Variants in PELI1 observed in about 807,000 individuals in gnomAD.
PELI1 encodes the protein pellino E3 ubiquitin protein ligase 1.
A neutral mutation model predicts 41.3 loss-of-function variants in PELI1; 15 were observed. That is an observed-to-expected ratio of 0.36 (90% confidence interval 0.24 to 0.56). PELI1 has a LOEUF of 0.56. Among genes scored for constraint, PELI1 ranks in the 20% least tolerant of loss-of-function variants. The pLI is 0.82. For missense variants in PELI1, 403 were observed against 525.5 expected, an observed-to-expected ratio of 0.77 and a Z score of 2.28; for synonymous variants, 178 against 180.1, an observed-to-expected ratio of 0.99 and a Z score of 0.09.
intron 1 of PELI1, among the ~76,000 whole-genome samples, chr2:64,136,160 G>C (rs1459466111): frequency 6.6e-6 from 1 of 151,294 alleles, no homozygotes; most frequent in Non-Finnish European, 1.5e-5. Flanking sequence ...CATCATCATA[G>C]AAGTTCAAAG....
At position 64,108,342 on chromosome 2, in the gene PELI1, A is replaced by G; in HGVS notation, c.-32T>C. 1 of 1,365,670 alleles carries G rather than the reference A, an allele frequency of 7.3e-7. No individual in the cohort carries two copies. The highest frequency in any genetic ancestry group is 1.2e-5 in the South Asian group (1 of 85,796). 84.6% of individuals were successfully genotyped at this position (1,365,670 alleles called of 1,614,324 possible). A position where few individuals can be genotyped will look rare whatever the true frequency, so the allele number is the denominator to read the frequency against. The stretch of plus-strand genomic sequence containing the variant: ...GGCTGTCTTTCTCAAATCTTTGTTC[A>G]CTGGTCAGGAGCCTTGGGACACCTT... On this transcript the variant is annotated 5_prime_UTR_variant, in exon 2 of 7. Transcript: ENST00000358912.
chr2:64,103,440 G>T (rs923013493), intron 3 of PELI1, among the ~76,000 whole-genome samples: 8 of 152,064 alleles, frequency 5.3e-5, no homozygotes, highest in Non-Finnish European at 1.0e-4. Flanking sequence ...TGTAGTATGT[G>T]GGAAAGTACT....
chr2:64,113,180 T>C (rs1013184307), intron 1 of PELI1, among the ~76,000 whole-genome samples: 7 of 151,670 alleles, frequency 4.6e-5, no homozygotes, highest in African/African-American at 1.7e-4. Context: ...CATGCACCTA[T>C]AGCCCCAGCT....
chr2:64,115,418 T>C (rs545622056), intron 1 of PELI1, among the ~76,000 whole-genome samples: 23 of 152,198 alleles, frequency 1.5e-4, no homozygotes, highest in Non-Finnish European at 2.6e-4. Context: ...TGAACTTGCA[T>C]AGAATGGTAA....
At chr2:64,133,175 G>A (rs1681606723) in intron 1 of PELI1, among the ~76,000 whole-genome samples, 1 of 152,150 alleles carries the variant, frequency 6.6e-6, no homozygotes, top group South Asian at 2.1e-4. Flanking sequence ...ATTGTTATTT[G>A]TTACCATTTC....
chr2:64,131,592 T>C (rs1332403453), intron 1 of PELI1, among the ~76,000 whole-genome samples: 1 of 151,858 alleles, frequency 6.6e-6, no homozygotes, highest in Non-Finnish European at 1.5e-5. Context: ...CTAACCGGCA[T>C]GTAGAGAGTG....
rs146388375 is a variant in PELI1 at position 64,104,092 on chromosome 2, C to T, written c.201+609G>A. Among the ~76,000 whole-genome samples, 437 of 152,228 alleles carry T rather than the reference C, an allele frequency of 2.9e-3. 2 individuals are homozygous for T. The highest frequency in any genetic ancestry group is 9.7e-3 in the African/African-American group (401 of 41,534). ...AAGGGGGCTAGAAGCATGAAATAGG[C>T]TAGGGGGTTGAGAAGTTATATTGTA... On this transcript the variant is annotated intron_variant, in intron 3 of 6. Transcript: ENST00000358912.
chr2:64,135,671 T>A (rs185809140), intron 1 of PELI1, among the ~76,000 whole-genome samples: 1 of 152,296 alleles, frequency 6.6e-6, no homozygotes, highest in Non-Finnish European at 1.5e-5. Context: ...AAGAATAACC[T>A]TGAACCTGTT....
chr2:64,099,288 C>G (rs1295385324), intron 4 of PELI1, among the ~76,000 whole-genome samples: 2 of 151,996 alleles, frequency 1.3e-5, no homozygotes, highest in African/African-American at 4.8e-5. Context: ...ACCTCAGCCC[C>G]CTGAGTAACT....
intron 1 of PELI1, among the ~76,000 whole-genome samples, chr2:64,135,622 G>C (rs1447036748): frequency 6.6e-6 from 1 of 152,170 alleles, no homozygotes; most frequent in African/African-American, 2.4e-5. Flanking sequence ...AAGTGAGACA[G>C]GCAGGAAATT....
rs111731677 is a variant in PELI1 at position 64,095,415 on chromosome 2, A to C, written c.691-147T>G. 3.4e-5 allele frequency: 21 copies of C among 609,702 alleles called. 2 individuals are homozygous for C. Among genetic ancestry groups the C allele is most frequent in the African/African-American group, 2.2e-4 (12 of 54,048 alleles). 37.8% of individuals were successfully genotyped at this position (609,702 alleles called of 1,614,324 possible). On this transcript the variant is annotated intron_variant, in intron 6 of 6. Transcript: ENST00000358912. ...TCAAGAAACTGACAGTAGTTATGAA[A>C]AATGTTAAGTTTGAAAATCAAGGAT...
In PELI1 at chr2:64,144,365, A is replaced by AGGC. The variant is rs932708130; in HGVS notation, c.-357_-355dup. The AGGC allele has an allele frequency of 7.4e-5, 11 of 149,052 alleles. No individual in the cohort carries two copies. Among genetic ancestry groups the AGGC allele is most frequent in the Admixed American group, 2.1e-4 (3 of 14,196 alleles). 9.2% of individuals were successfully genotyped at this position (149,052 alleles called of 1,614,324 possible). A position where few individuals can be genotyped will look rare whatever the true frequency, so the allele number is the denominator to read the frequency against. ...GGGCTGCTGCCGCTGCTGCTAGTGG[A>AGGC]GGCGGCGGCGGCGCCCCCCGACGGT... On this transcript the variant is annotated 5_prime_UTR_variant, in exon 1 of 7. Coordinates refer to ENST00000358912, the MANE Select transcript of PELI1 (RefSeq NM_020651.4).
rs1249251275 is a variant in PELI1, at chr2:64,144,122, G to A, written c.-111C>T. ...GCCGGGATCCCAGAGCGGCCCCCGA[G>A]ACCCGAGGCGAGAGGGTGAAGTGTT... On this transcript the variant is annotated 5_prime_UTR_variant, in exon 1 of 7. Coordinates refer to ENST00000358912, the MANE Select transcript of PELI1 (RefSeq NM_020651.4). The A allele has an allele frequency of 1.3e-5, 2 of 152,054 alleles. No individual in the cohort carries two copies. The highest frequency in any genetic ancestry group is 2.9e-5 in the Non-Finnish European group (2 of 67,964). 9.4% of individuals were successfully genotyped at this position (152,054 alleles called of 1,614,324 possible).
chr2:64,112,386 G>A (rs974886370), intron 1 of PELI1, among the ~76,000 whole-genome samples: 5 of 152,034 alleles, frequency 3.3e-5, no homozygotes, highest in Admixed American at 6.5e-5. Context: ...TACAAGTAAC[G>A]TGCATAACAC....
In PELI1 at chr2:64,096,542, A is replaced by G. The variant is rs1211609067; in HGVS notation, c.372T>C (p.Asn124=). 6.2e-7 allele frequency: 1 copy of G among 1,612,590 alleles called. No individual in the cohort carries two copies. Among genetic ancestry groups the G allele is most frequent in the Admixed American group, 1.7e-5 (1 of 60,028 alleles). Residue 124 remains asparagine, a synonymous_variant, in exon 5 of 7, where the codon AAT becomes AAC. Transcript: ENST00000358912. ...TGCTTTGTACTGACTGTGTATCAGAATTACTTTGACTTCCAGGAACCGTGT... is the reference window on the plus strand; with the variant it reads ...TGCTTTGTACTGACTGTGTATCAGAGTTACTTTGACTTCCAGGAACCGTGT... ...VTDTVPGSQS[N]SDTQSVQSTI... is the part of the protein sequence containing the mutation.
At chr2:64,131,583 T>C (rs2103736351) in intron 1 of PELI1, among the ~76,000 whole-genome samples, 1 of 151,922 alleles carries the variant, frequency 6.6e-6, no homozygotes, top group East Asian at 1.9e-4. Context: ...GACAGGATCC[T>C]AACCGGCATG....
At chr2:64,122,504 G>C (rs998285383) in intron 1 of PELI1, among the ~76,000 whole-genome samples, 9 of 151,952 alleles carry the variant, frequency 5.9e-5, no homozygotes, top group Admixed American at 6.6e-5. Context: ...AGAACGTCCT[G>C]CTTCTTTAAT....
Position 64,131,137 on chromosome 2 carries a change from C to T in PELI1, c.-70+12944G>A, listed in dbSNP as rs1266288563. Among the ~76,000 whole-genome samples the T allele has an allele frequency of 2.0e-5, 3 of 152,002 alleles. No individual in the cohort carries two copies. The East Asian group carries it at 5.8e-4, about 29-fold the overall frequency. On this transcript the variant is annotated intron_variant, in intron 1 of 6. Transcript: ENST00000358912. Reference sequence around the variant, plus strand: ...CTTTATGAATTTCTTGGTCCAAAAGCACAGTTTGCTTAAGACATTAAAAAA... The same window carrying T: ...CTTTATGAATTTCTTGGTCCAAAAGTACAGTTTGCTTAAGACATTAAAAAA...
At chr2:64,099,162 A>G (rs930848985) in intron 4 of PELI1, among the ~76,000 whole-genome samples, 4 of 130,510 alleles carry the variant, frequency 3.1e-5, no homozygotes, top group Non-Finnish European at 4.8e-5. Context: ...AATATCTTGG[A>G]GATACACACA....
Sources: allele counts gnomAD v4.1 joint callset (sites outside exome capture counted in the v4.1 genomes callset), GRCh38; gene constraint gnomAD v4.1.1; transcripts MANE v1.5; gene names NCBI Gene and HGNC (gene_info 2026-07-23, HGNC 2026-07-21).